The following DAB1 variants were observed in gnomAD, a reference collection of about 807,000 sequenced individuals.
DAB1 encodes DAB adaptor protein 1, also known as disabled homolog 1.
DAB1 carries 15 observed loss-of-function variants against 64.6 expected under a neutral mutation model. The observed-to-expected ratio is 0.23, with a 90% CI of 0.16 to 0.36. The LOEUF (loss-of-function observed/expected upper bound fraction) is 0.36, where lower values mean the gene tolerates loss of function less well. Among genes scored for constraint, DAB1 ranks in the 10% least tolerant of loss-of-function variants. The probability of loss-of-function intolerance (pLI) is 1.00; values close to 1 mark genes in which losing one functional copy is unlikely to be tolerated. For missense variants in DAB1, 596 were observed against 706.7 expected (o/e 0.84, Z 1.78); for synonymous variants, 235 against 251.9 (o/e 0.93, Z 0.64).
chr1:58,117,842 G>GTT (rs35807060), intron 5 of DAB1, among the ~76,000 whole-genome samples: 2,672 of 145,624 alleles, frequency 0.018, 57 homozygotes, highest in African/African-American at 0.062. Context: ...ATCATGCTTT[G>GTT]TTTTTTTTTT....
At chr1:57,455,422 C>A (rs549758671) in intron 7 of DAB1, among the ~76,000 whole-genome samples, 1 of 152,002 alleles carries the variant, frequency 6.6e-6, no homozygotes, top group African/African-American at 2.4e-5. Context: ...GATGCTGGAG[C>A]CTTGTCTCTT....
intron 5 of DAB1, among the ~76,000 whole-genome samples, chr1:58,089,591 C>T (rs955169442): frequency 1.3e-5 from 2 of 152,168 alleles, no homozygotes; most frequent in Non-Finnish European, 2.9e-5. Context: ...TACATCCTGG[C>T]TTGGTTTCTA....
intron 6 of DAB1, among the ~76,000 whole-genome samples, chr1:57,729,208 G>A (rs1299403976): frequency 6.6e-6 from 1 of 152,212 alleles, no homozygotes; most frequent in Non-Finnish European, 1.5e-5. Flanking sequence ...GTGGGGCAAC[G>A]GTTCCTGTAT....
At chr1:58,264,352 G>A (rs1661113964) in intron 4 of DAB1, among the ~76,000 whole-genome samples, 1 of 152,180 alleles carries the variant, frequency 6.6e-6, no homozygotes, top group African/African-American at 2.4e-5. Flanking sequence ...TAGATAATTA[G>A]ATCCTGTCTG....
chr1:57,129,470 A>G (rs970687438), intron 4 of DAB1, among the ~76,000 whole-genome samples: 1 of 152,148 alleles, frequency 6.6e-6, no homozygotes, highest in African/African-American at 2.4e-5. Flanking sequence ...AGCCCTGAAC[A>G]TTGAATATAA....
intron 2 of DAB1, among the ~76,000 whole-genome samples, chr1:57,157,545 A>T (rs1557831389): frequency 1.3e-5 from 2 of 151,268 alleles, no homozygotes; most frequent in Admixed American, 6.6e-5. Flanking sequence ...TGCTCAGAAG[A>T]TCTCTTTTTG....
intron 4 of DAB1, among the ~76,000 whole-genome samples, chr1:57,125,979 A>G (rs1237990461): frequency 1.3e-5 from 2 of 152,192 alleles, no homozygotes; most frequent in African/African-American, 2.4e-5. Flanking sequence ...GGAGCTGATC[A>G]CATGCCAGGA....
chr1:58,079,202 C>T (rs1425507662), intron 5 of DAB1, among the ~76,000 whole-genome samples: 1 of 152,176 alleles, frequency 6.6e-6, no homozygotes, highest in Non-Finnish European at 1.5e-5. Context: ...CAGGACACTG[C>T]AGGTCTCATG....
intron 7 of DAB1, among the ~76,000 whole-genome samples, chr1:57,550,509 C>T (rs1644902217): frequency 6.6e-6 from 1 of 151,822 alleles, no homozygotes; most frequent in Non-Finnish European, 1.5e-5. Flanking sequence ...ACCATCTGCC[C>T]ACCCACCCCC....
At chr1:57,063,788 T>A (rs1033472517) in intron 8 of DAB1, among the ~76,000 whole-genome samples, 10 of 152,194 alleles carry the variant, frequency 6.6e-5, no homozygotes, top group African/African-American at 2.4e-4. Context: ...TACGAACACA[T>A]CTTATGATAC....
intron 7 of DAB1, among the ~76,000 whole-genome samples, chr1:57,524,931 T>C (rs890710304): frequency 2.6e-5 from 4 of 151,904 alleles, no homozygotes; most frequent in African/African-American, 4.8e-5. Flanking sequence ...ACAAAGAATA[T>C]GGAAAGAGAA....
In DAB1 at chr1:57,122,961, C is replaced by G. The variant is rs563662457; in HGVS notation, c.306+13582G>C. Among the ~76,000 whole-genome samples, 5 of 152,206 alleles carry G rather than the reference C, an allele frequency of 3.3e-5. No individual in the cohort carries two copies. In the East Asian group the frequency reaches 9.6e-4, roughly 29 times the overall value. ...GCGCCTGAGTCATGCCCCTCTCCATCCCATAATGGAGAAAACTTAGGCTCA... is the reference window on the plus strand; with the variant it reads ...GCGCCTGAGTCATGCCCCTCTCCATGCCATAATGGAGAAAACTTAGGCTCA... On this transcript the variant is annotated intron_variant, in intron 4 of 14. Transcript: ENST00000371236.
chr1:57,059,217 A>G (rs1650137735), intron 9 of DAB1, among the ~76,000 whole-genome samples: 1 of 152,230 alleles, frequency 6.6e-6, no homozygotes, highest in African/African-American at 2.4e-5. Flanking sequence ...AAGCAAAGGT[A>G]GTATTATTTT....
intron 5 of DAB1, among the ~76,000 whole-genome samples, chr1:58,050,318 T>C (rs1376354838): frequency 6.6e-6 from 1 of 152,198 alleles, no homozygotes; most frequent in Non-Finnish European, 1.5e-5. Context: ...GTAATATTAT[T>C]ATATTTCTTT....
At chr1:57,724,902 T>C (rs1308110336) in intron 6 of DAB1, among the ~76,000 whole-genome samples, 2 of 152,212 alleles carry the variant, frequency 1.3e-5, no homozygotes, top group African/African-American at 4.8e-5. Context: ...TGCTGCTCAT[T>C]AAATGATGAA....
intron 7 of DAB1, among the ~76,000 whole-genome samples, chr1:57,492,472 T>G (rs1487317901): frequency 6.6e-6 from 1 of 152,252 alleles, no homozygotes; most frequent in Admixed American, 6.5e-5. Context: ...TAAAACTTGC[T>G]GAGGTGATGA....
intron 6 of DAB1, among the ~76,000 whole-genome samples, chr1:57,677,425 C>T (rs764932877): frequency 5.3e-5 from 8 of 152,256 alleles, no homozygotes; most frequent in Non-Finnish European, 1.0e-4. Flanking sequence ...ATGACAACGT[C>T]CTATAGACAC....
intron 9 of DAB1, among the ~76,000 whole-genome samples, chr1:57,041,349 A>G (rs1647764973): frequency 6.6e-6 from 1 of 152,216 alleles, no homozygotes; most frequent in South Asian, 2.1e-4. Flanking sequence ...GACGGTGTCC[A>G]TTCTCTGAGT....
chr1:58,152,327 C>T (rs2100735201), intron 4 of DAB1, among the ~76,000 whole-genome samples: 1 of 152,302 alleles, frequency 6.6e-6, no homozygotes, highest in South Asian at 2.1e-4. Flanking sequence ...CTACTCCACT[C>T]TACCACTGCC....
Sources: allele counts gnomAD v4.1 joint callset (sites outside exome capture counted in the v4.1 genomes callset), GRCh38; gene constraint gnomAD v4.1.1; transcripts MANE v1.5; gene names NCBI Gene and HGNC (gene_info 2026-07-23, HGNC 2026-07-21).